UNC13C: variants seen among roughly 807,000 people sequenced by gnomAD.
UNC13C encodes protein unc-13 homolog C.
Under a neutral mutation model 245.4 loss-of-function variants are expected in UNC13C, and 174 were observed. That is an observed-to-expected ratio of 0.71 (90% CI 0.63 to 0.80). UNC13C has a LOEUF of 0.80. Among genes scored for constraint, UNC13C ranks in the 30% least tolerant of loss-of-function variants. The probability of loss-of-function intolerance (pLI) is 0.00; values close to 1 mark genes in which losing one functional copy is unlikely to be tolerated. For synonymous variants in UNC13C, 992 were observed against 895.1 expected (o/e 1.11, Z -1.93); for missense variants, 2,829 against 2,602.9 (o/e 1.09, Z -1.89).
At chr15:54,326,608 G>C (rs1346946767) in intron 14 of UNC13C, among the ~76,000 whole-genome samples, 1 of 152,048 alleles carries the variant, frequency 6.6e-6, no homozygotes, top group Non-Finnish European at 1.5e-5. Flanking sequence ...GTGGAACCAT[G>C]AGAAGCATGA....
chr15:54,526,538 T>C (rs1319021810), intron 25 of UNC13C, among the ~76,000 whole-genome samples: 1 of 151,938 alleles, frequency 6.6e-6, no homozygotes, highest in Non-Finnish European at 1.5e-5. Context: ...GAGACCATCC[T>C]GGCTAATACA....
At chr15:54,354,925 G>A (rs1421060712) in intron 17 of UNC13C, among the ~76,000 whole-genome samples, 1 of 152,090 alleles carries the variant, frequency 6.6e-6, no homozygotes, top group Non-Finnish European at 1.5e-5. Context: ...GGGCCACAAG[G>A]GCTCTGCCCA....
In UNC13C at chr15:54,218,352, G is replaced by T. The variant is rs573837018; in HGVS notation, c.3072-16678G>T. On this transcript the variant is annotated intron_variant, in intron 4 of 32. Coordinates refer to ENST00000260323, the MANE Select transcript of UNC13C (RefSeq NM_001080534.3). Reference sequence around the variant, plus strand: ...AAGGGTTACAGAGATAGGGAAGAGGGTTACCTGGGGATAGGGAGGAGATAC... The same window carrying T: ...AAGGGTTACAGAGATAGGGAAGAGGTTTACCTGGGGATAGGGAGGAGATAC... 2.0e-5 allele frequency among the ~76,000 whole-genome samples: 3 copies of T among 152,094 alleles called. No individual in the cohort carries two copies. The East Asian group carries it at 5.8e-4, about 29-fold the overall frequency.
At chr15:53,923,283 C>G in the UNC13C span, among the ~76,000 whole-genome samples, 1 of 152,170 alleles carries the variant, frequency 6.6e-6, no homozygotes, top group East Asian at 1.9e-4. Flanking sequence ...ACAAGACTGA[C>G]GTAGCCTCAG....
chr15:54,557,215 C>A (rs1851007), intron 29 of UNC13C, among the ~76,000 whole-genome samples: 47,057 of 151,680 alleles, frequency 0.31, 7,880 homozygotes, highest in East Asian at 0.53. Flanking sequence ...TGGAGTCTGA[C>A]TCTGGTCCTC....
intron 4 of UNC13C, among the ~76,000 whole-genome samples, chr15:54,185,171 C>A (rs1387448769): frequency 4.6e-5 from 7 of 150,966 alleles, no homozygotes. Flanking sequence ...GGATATTAGC[C>A]CTTTGTCAGA....
intron 2 of UNC13C, among the ~76,000 whole-genome samples, chr15:54,108,223 G>A (rs950068501): frequency 6.6e-6 from 1 of 151,774 alleles, no homozygotes; most frequent in Non-Finnish European, 1.5e-5. Flanking sequence ...GTCTCGCTCT[G>A]TCGCCCAGGC....
intron 2 of UNC13C, among the ~76,000 whole-genome samples, chr15:54,123,852 T>C (rs549178384): frequency 2.0e-5 from 3 of 152,286 alleles, no homozygotes; most frequent in African/African-American, 4.8e-5. Context: ...ACTCGCACTA[T>C]TCTCCTTAAC....
chr15:54,192,173 G>A (rs1370838710), intron 4 of UNC13C, among the ~76,000 whole-genome samples: 1 of 152,072 alleles, frequency 6.6e-6, no homozygotes, highest in African/African-American at 2.4e-5. Context: ...ATTAGTTTTT[G>A]AGTGCAAGAT....
intron 15 of UNC13C, 116 bp from the exon 16 acceptor site, chr15:54,333,651 T>C (rs1305301128): frequency 6.5e-6 from 4 of 617,820 alleles, no homozygotes; most frequent in Non-Finnish European, 8.6e-6. Context: ...TGAGTATTTT[T>C]AAAATTGTAT....
At chr15:54,381,449 T>C (rs908358150) in intron 17 of UNC13C, among the ~76,000 whole-genome samples, 14 of 152,112 alleles carry the variant, frequency 9.2e-5, no homozygotes, top group African/African-American at 3.4e-4. Context: ...CTGTGGTGGT[T>C]TCATACAAAT....
At chr15:54,337,010 C>T (rs989021763) in intron 16 of UNC13C, among the ~76,000 whole-genome samples, 8 of 152,150 alleles carry the variant, frequency 5.3e-5, no homozygotes, top group African/African-American at 1.9e-4. Flanking sequence ...AGAGAACTGA[C>T]ATTTTAACAA....
chr15:54,129,570 G>A (rs1166967363), intron 2 of UNC13C, among the ~76,000 whole-genome samples: 1 of 151,414 alleles, frequency 6.6e-6, no homozygotes, highest in African/African-American at 2.4e-5. Flanking sequence ...ATTGTGCTAA[G>A]TTTTTCTATT....
chr15:54,197,280 C>A (rs2034385246), intron 4 of UNC13C, among the ~76,000 whole-genome samples: 1 of 151,882 alleles, frequency 6.6e-6, no homozygotes, highest in African/African-American at 2.4e-5. Context: ...AGATCGAGAC[C>A]AGCCTGGCCA....
chr15:54,508,315 G>C (rs115384128), intron 23 of UNC13C, among the ~76,000 whole-genome samples: 2 of 151,984 alleles, frequency 1.3e-5, no homozygotes, highest in Non-Finnish European at 2.9e-5. Context: ...TTTGAAAGGT[G>C]ACCATGAGCT....
At chr15:54,218,031 A>G (rs1021783757) in intron 4 of UNC13C, among the ~76,000 whole-genome samples, 1 of 152,018 alleles carries the variant, frequency 6.6e-6, no homozygotes, top group African/African-American at 2.4e-5. Context: ...GAAAGTAGAG[A>G]TGAGTAATAT....
chr15:54,618,215 A>C (rs1900566218), intron 30 of UNC13C, among the ~76,000 whole-genome samples: 1 of 152,106 alleles, frequency 6.6e-6, no homozygotes, highest in African/African-American at 2.4e-5. Flanking sequence ...TGCTCTTCTG[A>C]AGAGAAGTTC....
chr15:54,058,049 G>A (rs1468098452), intron 2 of UNC13C, among the ~76,000 whole-genome samples: 3 of 152,126 alleles, frequency 2.0e-5, no homozygotes, highest in Non-Finnish European at 2.9e-5. Flanking sequence ...AGAATTAAAA[G>A]AAGTAGAGAA....
At chr15:53,847,558 G>A in the UNC13C span, among the ~76,000 whole-genome samples, 2 of 150,542 alleles carry the variant, frequency 1.3e-5, no homozygotes, top group East Asian at 3.9e-4. Flanking sequence ...TAGAGATGAG[G>A]TTTCACCATG....
Sources: allele counts gnomAD v4.1 joint callset (sites outside exome capture counted in the v4.1 genomes callset), GRCh38; gene constraint gnomAD v4.1.1; transcripts MANE v1.5; gene names NCBI Gene and HGNC (gene_info 2026-07-23, HGNC 2026-07-21).